Variants in NPC1 observed in about 807,000 individuals in gnomAD.
NPC1 encodes the protein NPC intracellular cholesterol transporter 1.
A neutral mutation model predicts 140.4 loss-of-function variants in NPC1; 85 were observed. The observed-to-expected ratio is 0.61, with a 90% CI of 0.51 to 0.72. The LOEUF (loss-of-function observed/expected upper bound fraction) is 0.72. Ranked by LOEUF, NPC1 falls within the 30% of genes least tolerant of loss-of-function variation. The pLI, the probability that NPC1 is intolerant of heterozygous loss-of-function variation, is 0.00. For missense variants in NPC1, 1,504 were observed against 1,623.8 expected (o/e 0.93, Z 1.27); for synonymous variants, 656 against 624.8 (o/e 1.05, Z -0.74).
chr18:23,516,515 T>G (rs1598869749), intron 3 of NPC1: 2 of 1,318,596 alleles, frequency 1.5e-6, no homozygotes, highest in Non-Finnish European at 2.2e-6. Flanking sequence ...CGTGATGCCC[T>G]GACCCCTAGA....
At chr18:23,559,492 CTTTTTTT>C (rs57612444) in intron 6 of NPC1, among the ~76,000 whole-genome samples, 13 of 81,456 alleles carry the variant, frequency 1.6e-4, no homozygotes, top group South Asian at 4.3e-4. Context: ...TTGACTCTGA[CTTTTTTT>C]TTTTTTTTTT....
chr18:23,558,711 CTA>C (rs2058990978), intron 6 of NPC1, among the ~76,000 whole-genome samples: 1 of 151,176 alleles, frequency 6.6e-6, no homozygotes, highest in Admixed American at 6.6e-5. Flanking sequence ...GATCATTGTA[CTA>C]TGAGTTTTTT....
At chr18:23,558,796 T>C (rs1410169883) in intron 6 of NPC1, among the ~76,000 whole-genome samples, 1 of 152,212 alleles carries the variant, frequency 6.6e-6, no homozygotes, top group African/African-American at 2.4e-5. Context: ...TATGTGTACG[T>C]GTGCCATGTT....
At position 23,512,858 on chromosome 18, in the gene NPC1, T is replaced by A. The variant is rs890514830; in HGVS notation, c.432-6216A>T. 3.9e-4 allele frequency among the ~76,000 whole-genome samples: 60 copies of A among 152,204 alleles called. 1 individual carries two copies. Among genetic ancestry groups the A allele is most frequent in the Admixed American group, 3.3e-3 (51 of 15,284 alleles). On this transcript the variant is annotated intron_variant, in intron 3 of 3. Transcript: ENST00000591107. ...TGTTATGAAATAGCTCCAGAACTTT[T>A]TTCATCTTGTGAAACCAAAACTATC...
intron 1 of NPC1, among the ~76,000 whole-genome samples, chr18:23,523,091 C>G (rs1435045666): frequency 1.3e-5 from 2 of 152,256 alleles, no homozygotes; most frequent in Non-Finnish European, 2.9e-5. Context: ...GGGCTGTGCA[C>G]TCGGCGCAGA....
In NPC1 at chr18:23,533,423, T is replaced by A; in HGVS notation, c.3686A>T (p.Tyr1229Phe). Reference protein sequence around the residue: ...QIFQIFYFRMYLAMVLLGATH... With the variant: ...QIFQIFYFRMFLAMVLLGATH... ...GGCTCCCAGTAAGACCATGGCCAAA[T>A]ACATCCTGAAGTAGAATATCTGGAA... The change falls in exon 24 of 25, where the codon TAT becomes TTT. Residue 1229 changes from tyrosine (Y) to phenylalanine (F), a missense_variant. Transcript: ENST00000269228. 1.2e-6 allele frequency: 2 copies of A among 1,614,126 alleles called. No individual in the cohort carries two copies. Among genetic ancestry groups the A allele is most frequent in the Non-Finnish European group, 1.7e-6 (2 of 1,179,992 alleles).
At chr18:23,552,916 T>C (rs2058894345) in intron 9 of NPC1, among the ~76,000 whole-genome samples, 1 of 152,182 alleles carries the variant, frequency 6.6e-6, no homozygotes, top group Non-Finnish European at 1.5e-5. Flanking sequence ...GAGTAACTGG[T>C]AGCTGTCACT....
downstream of NPC1, chr18:23,530,198 C>T: frequency 1.2e-6 from 2 of 1,613,980 alleles, no homozygotes; most frequent in Middle Eastern, 1.7e-4. Flanking sequence ...GTTATCTTTC[C>T]AACTGAAGTG....
intron 3 of NPC1, among the ~76,000 whole-genome samples, chr18:23,570,962 G>A (rs931690237): frequency 6.6e-6 from 1 of 152,150 alleles, no homozygotes; most frequent in Non-Finnish European, 1.5e-5. Context: ...GCAAAGCATG[G>A]GGGGAGAGGA....
intron 3 of NPC1, chr18:23,509,267 C>T (rs1281600498): frequency 2.1e-6 from 3 of 1,428,638 alleles, no homozygotes; most frequent in African/African-American, 1.5e-5. Context: ...ATCAAGGAAT[C>T]GAATTTTACC....
At chr18:23,531,360 G>A, downstream of NPC1, 1 of 468,056 alleles carries the variant, frequency 2.1e-6, no homozygotes, top group South Asian at 3.4e-5. Flanking sequence ...GAAGGATCAG[G>A]GCTGTCTAAT....
At chr18:23,560,129 T>C (rs1412314169) in intron 6 of NPC1, 102 bp downstream of exon 6, 19 of 1,397,672 alleles carry the variant, frequency 1.4e-5, no homozygotes, top group African/African-American at 2.8e-5. Context: ...ATGGAGGTAT[T>C]TGTTTCTTGT....
At chr18:23,551,556 A>ACC (rs1411241154) in intron 10 of NPC1, 71 bp downstream of exon 10, 2 of 1,125,160 alleles carry the variant, frequency 1.8e-6, no homozygotes, top group Non-Finnish European at 2.7e-6. Flanking sequence ...CTTCATAATT[A>ACC]CCACTTGATG....
downstream of NPC1, chr18:23,520,280 C>T (rs754159771): frequency 6.2e-6 from 10 of 1,614,086 alleles, no homozygotes; most frequent in South Asian, 1.1e-5. Flanking sequence ...GCTTCCCGCT[C>T]GATCGATCCA....
chr18:23,541,579 G>T, intron 14 of NPC1, 146 bp from the exon 15 acceptor site: 1 of 1,047,060 alleles, frequency 9.6e-7, no homozygotes, highest in Non-Finnish European at 1.4e-6. Context: ...CATTACACCA[G>T]AAGTGGGACA....
chr18:23,583,825 A>G (rs190272113), intron 1 of NPC1, among the ~76,000 whole-genome samples: 1 of 152,288 alleles, frequency 6.6e-6, no homozygotes, highest in African/African-American at 2.4e-5. Flanking sequence ...TTTCCCCTTG[A>G]TTACTTATGT....
At chr18:23,550,732 C>T (rs528044983) in intron 10 of NPC1, among the ~76,000 whole-genome samples, 17 of 151,950 alleles carry the variant, frequency 1.1e-4, no homozygotes, top group African/African-American at 3.9e-4. Flanking sequence ...GTGATCCACC[C>T]GCCTCGGCCT....
intron 1 of NPC1, among the ~76,000 whole-genome samples, chr18:23,579,883 T>TA (rs56198549): frequency 0.73 from 104,456 of 143,858 alleles, 38,320 homozygotes; most frequent in East Asian, 0.92. Context: ...AGACTCCATC[T>TA]AAAAAAAAAA....
downstream of NPC1, chr18:23,518,799 T>C: frequency 8.8e-7 from 1 of 1,139,232 alleles, no homozygotes; most frequent in South Asian, 1.3e-5. Flanking sequence ...ATTAAGTGAA[T>C]ATCTTATAAT....
Sources: gnomAD v4.1 joint callset for allele counts (sites outside exome capture counted in the v4.1 genomes callset) on GRCh38, gnomAD v4.1.1 for gene constraint, MANE v1.5 for transcripts, NCBI Gene and HGNC (gene_info 2026-07-23, HGNC 2026-07-21) for gene names.